The following MTOR variants were observed in gnomAD, a reference collection of about 807,000 sequenced individuals.
MTOR encodes serine/threonine-protein kinase mTOR.
MTOR carries 70 observed loss-of-function variants against 319.8 expected under a neutral mutation model. That is an observed-to-expected ratio of 0.22 (90% CI 0.18 to 0.27). MTOR has a LOEUF of 0.27. Among genes scored for constraint, MTOR ranks in the 10% least tolerant of loss-of-function variants. The pLI, the probability that MTOR is intolerant of heterozygous loss-of-function variation, is 1.00. For synonymous variants in MTOR, 1,183 were observed against 1,211.4 expected, an observed-to-expected ratio of 0.98 and a Z score of 0.49; for missense variants, 1,890 against 3,274.4, an observed-to-expected ratio of 0.58 and a Z score of 10.32.
At position 11,128,466 on chromosome 1, in the gene MTOR, C is replaced by T. The variant is rs1570943284; in HGVS notation, c.5898G>A (p.Arg1966=). ...LIHQLLTDIG[R]YHPQALIYPL... is the part of the protein sequence containing the mutation. ...AGTCTCCACATACCTGGGGGTGGTACCGACCAATGTCTGTGAGAAGCTGGT... is the reference window on the plus strand; with the variant it reads ...AGTCTCCACATACCTGGGGGTGGTATCGACCAATGTCTGTGAGAAGCTGGT... The change falls in exon 42 of 58, where the codon CGG becomes CGA. Residue 1966 remains arginine, a synonymous_variant. Coordinates refer to ENST00000361445, the MANE Select transcript of MTOR (RefSeq NM_004958.4). The surrounding 1 kb of genome is among the most constrained non-coding windows in gnomAD (Gnocchi z 5.3). 1 of 1,614,106 alleles carries T rather than the reference C, an allele frequency of 6.2e-7. No individual in the cohort carries two copies. The highest frequency in any genetic ancestry group is 1.1e-5 in the South Asian group (1 of 91,082).
intron 23 of MTOR, among the ~76,000 whole-genome samples, chr1:11,211,961 T>A (rs1646326459): frequency 6.6e-6 from 1 of 152,092 alleles, no homozygotes; most frequent in Admixed American, 6.6e-5. Context: ...GGTCTCTGCT[T>A]GAGTGTCAAC....
At position 11,229,104 on chromosome 1, in the gene MTOR, G is replaced by A. The variant is rs2076655; in HGVS notation, c.2780-186C>T. Among the ~76,000 whole-genome samples the A allele has an allele frequency of 0.55, 84,080 of 152,040 alleles. 27,202 individuals carry two copies. Among genetic ancestry groups the A allele is most frequent in the East Asian group, 0.78 (4,045 of 5,184 alleles). On this transcript the variant is annotated intron_variant, in intron 18 of 57. Coordinates refer to ENST00000361445, the MANE Select transcript of MTOR (RefSeq NM_004958.4). The stretch of plus-strand genomic sequence containing the variant: ...CAATGAATAGCCTCTCACCATCAAG[G>A]AGTAAACGGTTTTTGGCTTTTCTAT...
At chr1:11,125,732 G>GAA (rs567989861) in intron 46 of MTOR, among the ~76,000 whole-genome samples, 87 of 113,720 alleles carry the variant, frequency 7.7e-4, no homozygotes, top group African/African-American at 2.7e-3. Flanking sequence ...CTGTCTTGGG[G>GAA]AAAAAAAAAA....
intron 3 of MTOR, among the ~76,000 whole-genome samples, chr1:11,257,908 G>A (rs903496420): frequency 2.6e-5 from 4 of 151,970 alleles, no homozygotes; most frequent in Non-Finnish European, 4.4e-5. Flanking sequence ...TCAGGAGTTC[G>A]AGACCAGCCT....
chr1:11,145,288 C>A, intron 32 of MTOR: 1 of 513,602 alleles, frequency 1.9e-6, no homozygotes, highest in Non-Finnish European at 3.5e-6. Context: ...AGGTAACACA[C>A]AAAATCTTAG....
chr1:11,251,679 A>G (rs1649713345), intron 6 of MTOR, among the ~76,000 whole-genome samples: 1 of 126,222 alleles, frequency 7.9e-6, no homozygotes, highest in African/African-American at 3.3e-5. Context: ...TTTTTTAGTG[A>G]CAAGGTCTCA....
rs1006611883 is a variant in MTOR at position 11,238,133 on chromosome 1, C to T, written c.2003-85G>A. On this transcript the variant is annotated intron_variant, in intron 12 of 57. Transcript: ENST00000361445. The stretch of plus-strand genomic sequence containing the variant: ...CAGCTTCTACCTCCACTGCCATCAG[C>T]GTAGTGGGAAGATTCCAGATGCTTT... 9 of 1,298,820 alleles carry T rather than the reference C, an allele frequency of 6.9e-6. No homozygotes were observed. In the East Asian group the frequency reaches 7.1e-5, roughly 10 times the overall value. The allele number at this position is 1,298,820 out of a possible 1,614,324, so 80.5% of individuals were successfully genotyped here.
intron 46 of MTOR, 49 bp downstream of exon 46, chr1:11,126,573 C>A: frequency 6.3e-7 from 1 of 1,581,258 alleles, no homozygotes; most frequent in Non-Finnish European, 8.6e-7. Flanking sequence ...GGGGTCTCAG[C>A]CAGTGTAGGA....
At chr1:11,192,748 TAAAAAAAAAAA>T (rs56996673) in intron 28 of MTOR, among the ~76,000 whole-genome samples, 1 of 119,254 alleles carries the variant, frequency 8.4e-6, no homozygotes. Flanking sequence ...CCATTTCAAT[TAAAAAAAAAAA>T]AAAAAAAAAG....
Position 11,148,912 on chromosome 1 carries a change from A to G in MTOR, c.4570+1214T>C, listed in dbSNP as rs545544273. 8.8e-5 allele frequency among the ~76,000 whole-genome samples: 10 copies of G among 113,408 alleles called. No homozygotes were observed. In the South Asian group the frequency reaches 1.2e-3, roughly 14 times the overall value. 74.4% of individuals were successfully genotyped at this position (113,408 alleles called of 152,430 possible). A position where few individuals can be genotyped will look rare whatever the true frequency, so the allele number is the denominator to read the frequency against. On this transcript the variant is annotated intron_variant, in intron 31 of 57. Coordinates refer to ENST00000361445, the MANE Select transcript of MTOR (RefSeq NM_004958.4). ...GACTCCATGTCAAAAAAAAAAAATT[A>G]TGTGTGTGTGTGTGTGTATATATAT... is the stretch of plus-strand genomic sequence containing the variant.
rs764611400 is a variant in MTOR, at chr1:11,112,830, G to A, written c.7366+22C>T. 10 of 1,613,778 alleles carry A rather than the reference G, an allele frequency of 6.2e-6. No individual in the cohort carries two copies. In the Admixed American group the frequency reaches 1.0e-4, roughly 16 times the overall value. On this transcript the variant is annotated intron_variant, in intron 54 of 57. Coordinates refer to ENST00000361445, the MANE Select transcript of MTOR (RefSeq NM_004958.4). ...TCTGCACAAGGGGGAGAGCCTTTGC[G>A]ACCTCCCGTGGATGCACCTACCGAC...
At chr1:11,192,813 T>C (rs1354568673) in intron 28 of MTOR, among the ~76,000 whole-genome samples, 2 of 150,314 alleles carry the variant, frequency 1.3e-5, no homozygotes, top group South Asian at 2.1e-4. Flanking sequence ...CACAGAGCTA[T>C]GCAAACACTC....
intron 26 of MTOR, among the ~76,000 whole-genome samples, chr1:11,202,501 T>C (rs1003524025): frequency 7.9e-5 from 12 of 151,272 alleles, no homozygotes; most frequent in Non-Finnish European, 1.6e-4. Flanking sequence ...AATTACCTGA[T>C]AGGTACGATG....
In MTOR at chr1:11,210,848, T is replaced by G. The variant is rs945842584; in HGVS notation, c.3620A>C (p.Gln1207Pro). ...KVLVRHRINHQRYDVLICRIV... is the reference protein window; with the variant it reads ...KVLVRHRINHPRYDVLICRIV... ...TCTGCAGATGAGCACATCATAGCGC[T>G]GATGATTGATTCGGTGTCGCACCAG... Residue 1207 changes from glutamine (Q) to proline (P), a missense_variant, in exon 24 of 58, where the codon CAG (glutamine) becomes CCG (proline). Gln to Pro is a moderately conservative substitution (Grantham distance 76). Around this residue, in one of 15 missense-constraint regions of MTOR, gnomAD observed 115 missense variants for 105.7 expected, o/e 1.09. Transcript: ENST00000361445. 11 of 1,613,814 alleles carry G rather than the reference T, an allele frequency of 6.8e-6. No individual in the cohort carries two copies. Among genetic ancestry groups the G allele is most frequent in the Non-Finnish European group, 8.5e-6 (10 of 1,179,944 alleles).
chr1:11,227,682 A>T (rs980942127), intron 19 of MTOR, among the ~76,000 whole-genome samples: 1 of 151,566 alleles, frequency 6.6e-6, no homozygotes, highest in Non-Finnish European at 1.5e-5. Context: ...GAGGTGGGGG[A>T]GGGGAAAATT....
At chr1:11,261,876 C>T (rs1489115613) in intron 1 of MTOR, among the ~76,000 whole-genome samples, 1 of 152,106 alleles carries the variant, frequency 6.6e-6, no homozygotes, top group Non-Finnish European at 1.5e-5. Context: ...GCCCACAGGC[C>T]ATCTGCTCCA....
Position 11,243,105 on chromosome 1 carries a change from G to A in MTOR, c.1412+9C>T, listed in dbSNP as rs765287196. 1.9e-6 allele frequency: 3 copies of A among 1,613,932 alleles called. No individual in the cohort carries two copies. Among genetic ancestry groups the A allele is most frequent in the Non-Finnish European group, 1.7e-6 (2 of 1,179,982 alleles). Reference sequence around the variant, plus strand: ...GAGTGGAAGGTGAAATCATAACAGAGGTGCTTACTTATGGGCGAAGTCCTT... The same window carrying A: ...GAGTGGAAGGTGAAATCATAACAGAAGTGCTTACTTATGGGCGAAGTCCTT... On this transcript the variant is annotated intron_variant, in intron 9 of 57. Coordinates refer to ENST00000361445, the MANE Select transcript of MTOR (RefSeq NM_004958.4).
intron 1 of MTOR, 137 bp from the exon 2 acceptor site, chr1:11,259,560 T>C (rs939775952): frequency 1.1e-6 from 1 of 905,866 alleles, no homozygotes; most frequent in Non-Finnish European, 1.6e-6. Context: ...AGAGATCTGA[T>C]TGAGGAACAT....
At chr1:11,223,599 T>C (rs1455655218) in intron 19 of MTOR, among the ~76,000 whole-genome samples, 1 of 151,804 alleles carries the variant, frequency 6.6e-6, no homozygotes, top group Non-Finnish European at 1.5e-5. Context: ...TATTACAAAA[T>C]GTTAAGAAAA....
Sources: allele counts gnomAD v4.1 joint callset (sites outside exome capture counted in the v4.1 genomes callset), GRCh38; gene constraint gnomAD v4.1.1; regional missense constraint gnomAD v4.1.1; non-coding constraint Gnocchi (gnomAD v3.1); transcripts MANE v1.5; gene names NCBI Gene and HGNC (gene_info 2026-07-23, HGNC 2026-07-21).